Variants in ZMAT4 observed in about 807,000 individuals in gnomAD.
ZMAT4 encodes zinc finger matrin-type 4.
A neutral mutation model predicts 28.7 loss-of-function variants in ZMAT4; 17 were observed. The observed-to-expected ratio is 0.59, with a 90% CI of 0.41 to 0.89. The LOEUF (loss-of-function observed/expected upper bound fraction) is 0.89, where lower values mean the gene tolerates loss of function less well. ZMAT4 is among the 40% of genes least tolerant of loss of function. ZMAT4 has a pLI of 0.00. For synonymous variants in ZMAT4, 117 were observed against 109.2 expected (o/e 1.07, Z -0.44); for missense variants, 240 against 283.8 (o/e 0.85, Z 1.11).
rs115657259 is a variant in ZMAT4, at chr8:40,607,736, G to C, written c.578-26475C>G. Among the ~76,000 whole-genome samples, 207 of 152,242 alleles carry C rather than the reference G, an allele frequency of 1.4e-3. 1 individual carries two copies. The highest frequency in any genetic ancestry group is 4.9e-3 in the African/African-American group (203 of 41,538). On this transcript the variant is annotated intron_variant, in intron 5 of 6. Coordinates refer to ENST00000297737, the MANE Select transcript of ZMAT4 (RefSeq NM_024645.3). ...CCACAGAGTGCTCCCTTGATGTGGT[G>C]CTCTCCCCATTCCCCTAGTGATGTG... is the stretch of plus-strand genomic sequence containing the variant.
chr8:40,707,731 T>C (rs1198757131), intron 3 of ZMAT4, among the ~76,000 whole-genome samples: 1 of 152,206 alleles, frequency 6.6e-6, no homozygotes, highest in African/African-American at 2.4e-5. Context: ...TCTCATTTCA[T>C]TTACTTCATG....
chr8:40,588,396 C>T (rs545021350), intron 5 of ZMAT4, among the ~76,000 whole-genome samples: 1 of 151,944 alleles, frequency 6.6e-6, no homozygotes, highest in South Asian at 2.1e-4. Flanking sequence ...AACTTGTATC[C>T]AGAATATATA....
intron 6 of ZMAT4, among the ~76,000 whole-genome samples, chr8:40,574,550 C>T (rs1021347536): frequency 1.3e-5 from 2 of 151,916 alleles, no homozygotes; most frequent in African/African-American, 4.8e-5. Context: ...TTTGTTCCTC[C>T]CACAAAAAAA....
intron 3 of ZMAT4, among the ~76,000 whole-genome samples, chr8:40,732,475 G>A (rs1024147570): frequency 1.3e-5 from 2 of 152,216 alleles, no homozygotes; most frequent in African/African-American, 4.8e-5. Flanking sequence ...CATCTGTACA[G>A]TTGGGCAGCA....
At chr8:40,558,784 AC>A (rs1288618382) in intron 6 of ZMAT4, among the ~76,000 whole-genome samples, 1 of 151,770 alleles carries the variant, frequency 6.6e-6, no homozygotes, top group Admixed American at 6.6e-5. Context: ...GGCCGAGGGG[AC>A]CCCAGAGATC....
At chr8:40,590,754 C>G (rs887613139) in intron 5 of ZMAT4, among the ~76,000 whole-genome samples, 7 of 150,786 alleles carry the variant, frequency 4.6e-5, no homozygotes, top group African/African-American at 1.7e-4. Context: ...CACGAATCAA[C>G]AGTCATATTG....
intron 1 of ZMAT4, among the ~76,000 whole-genome samples, chr8:40,896,349 G>T (rs1818878809): frequency 6.6e-6 from 1 of 152,144 alleles, no homozygotes; most frequent in Admixed American, 6.5e-5. Flanking sequence ...CCCAGCTGCG[G>T]GTTTAACGGA....
At chr8:40,599,667 G>A (rs1345607532) in intron 5 of ZMAT4, among the ~76,000 whole-genome samples, 1 of 152,222 alleles carries the variant, frequency 6.6e-6, no homozygotes, top group African/African-American at 2.4e-5. Flanking sequence ...GAAGCAGATG[G>A]CCTTGCTGTC....
chr8:40,573,955 T>C (rs1291342749), intron 6 of ZMAT4, among the ~76,000 whole-genome samples: 1 of 152,220 alleles, frequency 6.6e-6, no homozygotes, highest in Non-Finnish European at 1.5e-5. Flanking sequence ...TAATCTTTTT[T>C]CTTACCAACA....
intron 5 of ZMAT4, among the ~76,000 whole-genome samples, chr8:40,648,453 G>A (rs922319383): frequency 2.6e-5 from 4 of 151,482 alleles, no homozygotes; most frequent in Admixed American, 6.6e-5. Context: ...TCTGATTGGT[G>A]TACCGGAAAG....
chr8:40,862,084 G>T (rs1452260415), intron 1 of ZMAT4, among the ~76,000 whole-genome samples: 1 of 152,130 alleles, frequency 6.6e-6, no homozygotes, highest in African/African-American at 2.4e-5. Context: ...ATACCCAAAG[G>T]ATTATAAATC....
intron 1 of ZMAT4, among the ~76,000 whole-genome samples, chr8:40,833,096 G>C (rs568035458): frequency 1.3e-5 from 2 of 152,158 alleles, no homozygotes; most frequent in Admixed American, 6.5e-5. Flanking sequence ...GGTGGTTTTC[G>C]TGATCATCTC....
chr8:40,727,230 C>T (rs1368027354), intron 3 of ZMAT4, among the ~76,000 whole-genome samples: 2 of 152,130 alleles, frequency 1.3e-5, no homozygotes, highest in South Asian at 2.1e-4. Context: ...CCATATAGTC[C>T]TGTGATGGCT....
chr8:40,741,058 A>G (rs1427318578), intron 3 of ZMAT4, among the ~76,000 whole-genome samples: 2 of 152,108 alleles, frequency 1.3e-5, no homozygotes. Flanking sequence ...AGACAATTTC[A>G]CAAACTTGGA....
At chr8:40,851,851 T>C (rs1049042473) in intron 1 of ZMAT4, among the ~76,000 whole-genome samples, 1 of 152,206 alleles carries the variant, frequency 6.6e-6, no homozygotes, top group Non-Finnish European at 1.5e-5. Context: ...GAACACCCTA[T>C]AGAACACCAG....
chr8:40,886,975 A>T (rs13266477), intron 1 of ZMAT4, among the ~76,000 whole-genome samples: 5,546 of 151,980 alleles, frequency 0.036, 161 homozygotes, highest in South Asian at 0.091. Context: ...ATCGAGACCA[A>T]CCTGGCTAAC....
chr8:40,797,389 C>T (rs771573025), intron 2 of ZMAT4, among the ~76,000 whole-genome samples: 14 of 152,336 alleles, frequency 9.2e-5, no homozygotes, highest in Admixed American at 2.6e-4. Flanking sequence ...GCCCATCCTG[C>T]GTGCTGGGCC....
intron 4 of ZMAT4, among the ~76,000 whole-genome samples, chr8:40,677,352 A>G (rs1035512362): frequency 6.7e-6 from 1 of 148,626 alleles, no homozygotes; most frequent in African/African-American, 2.5e-5. Context: ...AACCCAGCTT[A>G]TATTCCTTTA....
At chr8:40,758,380 GT>G (rs1346037963) in intron 3 of ZMAT4, among the ~76,000 whole-genome samples, 1 of 152,002 alleles carries the variant, frequency 6.6e-6, no homozygotes, top group African/African-American at 2.4e-5. Context: ...AATCTGTAAG[GT>G]TTTTTCATTA....
Sources: allele counts gnomAD v4.1 joint callset (sites outside exome capture counted in the v4.1 genomes callset), GRCh38; gene constraint gnomAD v4.1.1; transcripts MANE v1.5; gene names NCBI Gene and HGNC (gene_info 2026-07-23, HGNC 2026-07-21).